TBRG4: variants seen among roughly 807,000 people sequenced by gnomAD.
The protein encoded by TBRG4 is transforming growth factor beta regulator 4, also known as FAST kinase domain-containing protein 4.
Under a neutral mutation model 65.6 loss-of-function variants are expected in TBRG4, and 43 were observed. The observed-to-expected ratio is 0.66, with a 90% CI of 0.51 to 0.85. The LOEUF is 0.85. Among genes scored for constraint, TBRG4 ranks in the 40% least tolerant of loss-of-function variants. The pLI is 0.00. For missense variants in TBRG4, 709 were observed against 787.9 expected (o/e 0.90, Z 1.20); for synonymous variants, 366 against 341.4 (o/e 1.07, Z -0.79).
Position 45,102,009 on chromosome 7 carries a change from G to A in TBRG4, c.1383C>T (p.Ala461=). 1 of 1,568,876 alleles carries A rather than the reference G, an allele frequency of 6.4e-7. No homozygotes were observed. Among genetic ancestry groups the A allele is most frequent in the Non-Finnish European group, 8.6e-7 (1 of 1,161,524 alleles). ...CCGAGTACTCGGGGTACTCCAGCAG[G>A]GCAGTGGCGTTGATGTGGAGCAGCT... ...FQKLLHINAT[A]LLEYPEYSGP... is the part of the protein sequence containing the mutation. Residue 461 remains alanine, a synonymous_variant, in exon 8 of 11, where the codon GCC becomes GCT. Transcript: ENST00000258770.
chr7:45,110,819 C>T (rs935183500), intron 1 of TBRG4: 3 of 151,780 alleles, frequency 2.0e-5, no homozygotes, highest in African/African-American at 7.3e-5. Flanking sequence ...ATATGGCCAG[C>T]ACATTTTCTT....
In TBRG4 at chr7:45,102,051, A is replaced by G. The variant is rs759347631; in HGVS notation, c.1341T>C (p.Asp447=). The G allele has an allele frequency of 1.8e-5, 28 of 1,569,520 alleles. No individual in the cohort carries two copies. The highest frequency in any genetic ancestry group is 2.4e-5 in the Non-Finnish European group (28 of 1,164,330). ...GGAGCAGCTTCTGGAAGGTGTTCTG[A>G]TCCTTCTGAGACTTGCCCCCTAGGA... The part of the protein sequence containing the change: ...IQFLGGKSQK[D]QNTFQKLLHI... Residue 447 remains aspartate, a synonymous_variant, in exon 8 of 11, where the codon GAT becomes GAC. Coordinates refer to ENST00000258770, the MANE Select transcript of TBRG4 (RefSeq NM_004749.4).
chr7:45,104,474 A>G (rs747080407), intron 4 of TBRG4, 64 bp downstream of exon 4: 3 of 1,612,068 alleles, frequency 1.9e-6, no homozygotes, highest in Non-Finnish European at 2.5e-6. Flanking sequence ...TGAATTTGAC[A>G]CGGCTGCAGG....
chr7:45,108,720 G>T, intron 2 of TBRG4, 107 bp downstream of exon 2: 1 of 866,526 alleles, frequency 1.2e-6, no homozygotes, highest in Non-Finnish European at 1.7e-6. Flanking sequence ...TATCACAAGA[G>T]ATGCAAGGCC....
intron 4 of TBRG4, 55 bp downstream of exon 4, chr7:45,104,483 G>C: frequency 6.2e-7 from 1 of 1,612,890 alleles, no homozygotes; most frequent in Non-Finnish European, 8.5e-7. Context: ...CACGGCTGCA[G>C]GCATCTGCAG....
chr7:45,102,242 G>A, intron 7 of TBRG4, 105 bp downstream of exon 7: 1 of 1,562,460 alleles, frequency 6.4e-7, no homozygotes, highest in Non-Finnish European at 8.7e-7. Flanking sequence ...GAGCGAGGGG[G>A]AGGGAGAGCC....
At position 45,100,350 on chromosome 7, in the gene TBRG4, G is replaced by C. The variant is rs142877335; in HGVS notation, c.1871C>G (p.Ala624Gly). Reference sequence around the variant, plus strand: ...TCACTTGGCCAGCTCCTCAGCCACCGCTTTGCGCATCTTGTCCTTGAGGTA... The same window carrying C: ...TCACTTGGCCAGCTCCTCAGCCACCCCTTTGCGCATCTTGTCCTTGAGGTA... The part of the protein sequence containing the change: ...GAYLKDKMRK[A>G]VAEELAK The change falls in exon 11 of 11, where the codon GCG becomes GGG. Residue 624 changes from alanine to glycine, a missense_variant. By Grantham distance (60) the Ala-to-Gly change is moderately conservative. Transcript: ENST00000258770. 137 of 1,614,022 alleles carry C rather than the reference G, an allele frequency of 8.5e-5. No homozygotes were observed. The highest frequency in any genetic ancestry group is 1.1e-4 in the Non-Finnish European group (130 of 1,180,016).
At chr7:45,110,223 C>T (rs113269482) in intron 1 of TBRG4, among the ~76,000 whole-genome samples, 51 of 152,128 alleles carry the variant, frequency 3.4e-4, no homozygotes, top group African/African-American at 1.2e-3. Flanking sequence ...TTTAAACAGG[C>T]CTTGCACTTC....
In TBRG4 at chr7:45,100,142, T is replaced by G; in HGVS notation, c.*183A>C. The G allele has an allele frequency of 1.8e-6, 1 of 555,874 alleles. No individual in the cohort carries two copies. Among genetic ancestry groups the G allele is most frequent in the Non-Finnish European group, 3.2e-6 (1 of 314,718 alleles). 34.4% of individuals were successfully genotyped at this position (555,874 alleles called of 1,614,324 possible). The stretch of plus-strand genomic sequence containing the variant: ...ACCAAGCCTGGGAAGGCCCCAGGGG[T>G]CCAACACCAAAATTAAAGGTTTATT... On this transcript the variant is annotated 3_prime_UTR_variant, in exon 11 of 11. Transcript: ENST00000258770.
At chr7:45,111,451 C>T in intron 1 of TBRG4, 192 bp downstream of exon 1, 1 of 536,006 alleles carries the variant, frequency 1.9e-6, no homozygotes. Context: ...GGCCTGGCCG[C>T]GCGGGCTAGA....
chr7:45,101,512 C>G lies in TBRG4; in HGVS notation c.1670G>C (p.Gly557Ala), dbSNP rs777574017. Residue 557 changes from glycine (G) to alanine (A), a missense_variant, in exon 9 of 11, where the codon GGG becomes GCG. Gly to Ala is a moderately conservative substitution (Grantham distance 60, BLOSUM62 0). Transcript: ENST00000258770. ...GTCCCTGGCCACCTACCTCTTAGAC[C>G]CTGGAGGTGGTGACTGGCTCCCAGT... ...QPTGSQSPPP[G>A]SKRLAFLRWE... 4 of 1,613,346 alleles carry G rather than the reference C, an allele frequency of 2.5e-6. No homozygotes were observed. Among genetic ancestry groups the G allele is most frequent in the Non-Finnish European group, 3.4e-6 (4 of 1,179,790 alleles).
chr7:45,108,747 A>T, intron 2 of TBRG4, 80 bp downstream of exon 2: 2 of 1,219,916 alleles, frequency 1.6e-6, no homozygotes, highest in Non-Finnish European at 2.2e-6. Flanking sequence ...TATGCTTGGT[A>T]AGCACTGGCT....
chr7:45,110,746 T>C (rs2128647317), intron 1 of TBRG4: 1 of 152,254 alleles, frequency 6.6e-6, no homozygotes. Flanking sequence ...AACGTTCACC[T>C]AGGCCTCATT....
At position 45,101,293 on chromosome 7, in the gene TBRG4, G is replaced by A. The variant is rs1328005530; in HGVS notation, c.1759C>T (p.Arg587Ter). Reference sequence around the variant, plus strand: ...AGGAAGCCTGCAGCCACTATGTGTCGCCGGGCCAGAACAAAGCGACCCAGC... The same window carrying A: ...AGGAAGCCTGCAGCCACTATGTGTCACCGGGCCAGAACAAAGCGACCCAGC... ...DLLGRFVLAR[R>*]HIVAAGFLIV... is the part of the protein sequence containing the mutation. The change falls in exon 10 of 11, where the codon CGA becomes TGA. Residue 587 changes from arginine (R) to a stop codon, truncating the protein, a stop_gained. Transcript: ENST00000258770. LOFTEE classifies it high-confidence loss of function. 1.1e-5 allele frequency: 18 copies of A among 1,613,788 alleles called. No individual in the cohort carries two copies. The highest frequency in any genetic ancestry group is 1.7e-5 in the Admixed American group (1 of 60,000).
rs1785041389 is a variant in TBRG4 at position 45,109,027 on chromosome 7, G to C, written c.211C>G (p.Gln71Glu). 2 of 1,612,428 alleles carry C rather than the reference G, an allele frequency of 1.2e-6. No individual in the cohort carries two copies. Among genetic ancestry groups the C allele is most frequent in the East Asian group, 2.2e-5 (1 of 44,876 alleles). ...GCCTTCTTGATGAGGTGGTCCACCT[G>C]CTTCTCTATGTAGGGAGTAGATGCT... is the stretch of plus-strand genomic sequence containing the variant. ...ERASTPYIEK[Q>E]VDHLIKKATR... The change falls in exon 2 of 11, where the codon CAG becomes GAG. Residue 71 changes from glutamine to glutamate, a missense_variant. Gln to Glu is a conservative substitution (Grantham distance 29). Transcript: ENST00000258770.
At position 45,109,072 on chromosome 7, in the gene TBRG4, C is replaced by T. The variant is rs771152697; in HGVS notation, c.166G>A (p.Glu56Lys). ...GATGCTCGTTCCTTCTCCACCGGCT[C>T]CATCAAGGAACCTGGGAGGTGGGAA... Reference protein sequence around the residue: ...PISHLPGSLMEPVEKERASTP... With the variant: ...PISHLPGSLMKPVEKERASTP... The change falls in exon 2 of 11, where the codon GAG becomes AAG. Residue 56 changes from glutamate (E) to lysine (K), a missense_variant. Transcript: ENST00000258770. The T allele has an allele frequency of 6.2e-7, 1 of 1,613,946 alleles. No individual in the cohort carries two copies.
At chr7:45,101,787 C>A (rs1784772503) in intron 8 of TBRG4, 38 bp downstream of exon 8, 10 of 1,600,410 alleles carry the variant, frequency 6.2e-6, no homozygotes, top group Non-Finnish European at 8.5e-6. Context: ...TAGACTCAGG[C>A]AATGCCAGGC....
intron 1 of TBRG4, 162 bp downstream of exon 1, chr7:45,111,481 C>T (rs1785124072): frequency 1.1e-6 from 1 of 878,082 alleles, no homozygotes; most frequent in Non-Finnish European, 1.6e-6. Flanking sequence ...TGCGCACTGG[C>T]AAGCCAGCAC....
At chr7:45,105,955 A>C (rs759518805) in intron 2 of TBRG4, 191 bp from the exon 3 acceptor site, 3 of 825,422 alleles carry the variant, frequency 3.6e-6, no homozygotes, top group Non-Finnish European at 6.3e-6. Flanking sequence ...CTCAGCCTCG[A>C]GGCCTAGACG....
Sources: allele counts gnomAD v4.1 joint callset (sites outside exome capture counted in the v4.1 genomes callset), GRCh38; gene constraint gnomAD v4.1.1; transcripts MANE v1.5; gene names NCBI Gene and HGNC (gene_info 2026-07-23, HGNC 2026-07-21).